Variants in TAF4B observed in about 807,000 individuals in gnomAD.
TAF4B encodes the protein transcription initiation factor TFIID subunit 4B.
In TAF4B, 38 loss-of-function variants were observed where a neutral mutation model predicts 86.4. That is an observed-to-expected ratio of 0.44 (90% CI 0.34 to 0.58). The LOEUF (loss-of-function observed/expected upper bound fraction) is 0.58. Among genes scored for constraint, TAF4B ranks in the 20% least tolerant of loss-of-function variants. The pLI is 0.02. For missense variants in TAF4B, 988 were observed against 1,027.6 expected (o/e 0.96, Z 0.53); for synonymous variants, 388 against 391.2 (o/e 0.99, Z 0.10).
intron 12 of TAF4B, among the ~76,000 whole-genome samples, chr18:26,327,526 A>T (rs2057014588): frequency 6.6e-6 from 1 of 152,236 alleles, no homozygotes; most frequent in Non-Finnish European, 1.5e-5. Context: ...GTGGAACAAA[A>T]TACAGGCTGG....
At chr18:26,369,262 C>G (rs1175763756) in intron 14 of TAF4B, among the ~76,000 whole-genome samples, 1 of 151,996 alleles carries the variant, frequency 6.6e-6, no homozygotes, top group African/African-American at 2.4e-5. Flanking sequence ...ATTTTGCAAC[C>G]GTTACACTAG....
intron 6 of TAF4B, among the ~76,000 whole-genome samples, chr18:26,283,328 TAGC>T (rs1478781189): frequency 6.6e-6 from 1 of 152,220 alleles, no homozygotes; most frequent in African/African-American, 2.4e-5. Context: ...GAGGTTGTGT[TAGC>T]AGACAGGAAG....
chr18:26,286,584 G>A (rs1174130563), intron 7 of TAF4B, 85 bp downstream of exon 7: 13 of 1,413,080 alleles, frequency 9.2e-6, no homozygotes, highest in Non-Finnish European at 3.8e-6. Context: ...TAGAAAACTA[G>A]TAAGGCTATA....
intron 3 of TAF4B, among the ~76,000 whole-genome samples, chr18:26,272,153 G>A (rs184173124): frequency 1.0e-3 from 157 of 152,180 alleles, no homozygotes; most frequent in African/African-American, 3.6e-3. Context: ...GTGGGCAGGC[G>A]CGTGGGGGAT....
chr18:26,350,653 G>T (rs963088771), intron 13 of TAF4B, among the ~76,000 whole-genome samples: 2 of 152,144 alleles, frequency 1.3e-5, no homozygotes, highest in African/African-American at 4.8e-5. Context: ...ACTATCATGG[G>T]TAATAGAGTG....
intron 14 of TAF4B, among the ~76,000 whole-genome samples, chr18:26,359,793 G>T (rs1343739791): frequency 6.6e-6 from 1 of 152,090 alleles, no homozygotes; most frequent in Non-Finnish European, 1.5e-5. Context: ...TTGGCTCACT[G>T]CAGCCTCAAC....
intron 1 of TAF4B, among the ~76,000 whole-genome samples, chr18:26,227,733 C>T (rs2055600214): frequency 6.6e-6 from 1 of 152,222 alleles, no homozygotes; most frequent in Non-Finnish European, 1.5e-5. Flanking sequence ...GGCTCACCGA[C>T]GTCGAACTCC....
At chr18:26,382,744 A>G (rs745350943) in intron 14 of TAF4B, among the ~76,000 whole-genome samples, 2 of 152,218 alleles carry the variant, frequency 1.3e-5, no homozygotes, top group Non-Finnish European at 2.9e-5. Context: ...TACAGATGAT[A>G]TCACCTAAAT....
At chr18:26,285,092 G>A (rs1389894988) in intron 6 of TAF4B, among the ~76,000 whole-genome samples, 1 of 151,036 alleles carries the variant, frequency 6.6e-6, no homozygotes, top group Non-Finnish European at 1.5e-5. Context: ...CTCAGCCCCT[G>A]CGGTAGCTGG....
At chr18:26,354,926 T>A (rs1408124242) in intron 13 of TAF4B, among the ~76,000 whole-genome samples, 2 of 152,256 alleles carry the variant, frequency 1.3e-5, no homozygotes, top group East Asian at 3.8e-4. Flanking sequence ...AATCAACTTA[T>A]CCATATCCAC....
intron 13 of TAF4B, among the ~76,000 whole-genome samples, chr18:26,346,873 ATG>A (rs1205361383): frequency 1.6e-4 from 2 of 12,304 alleles, no homozygotes; most frequent in African/African-American, 4.0e-4. Flanking sequence ...ATATATATAT[ATG>A]TGTATATATA....
At chr18:26,249,744 A>C (rs534805205) in intron 1 of TAF4B, among the ~76,000 whole-genome samples, 1 of 152,192 alleles carries the variant, frequency 6.6e-6, no homozygotes, top group Admixed American at 6.5e-5. Context: ...TTAGAGACAA[A>C]GTCTCATTCT....
At chr18:26,255,784 T>C in intron 1 of TAF4B, 3 of 1,515,924 alleles carry the variant, frequency 2.0e-6, no homozygotes, top group Non-Finnish European at 2.7e-6. Flanking sequence ...CAGCAAGGCT[T>C]GAAGAGATGT....
chr18:26,279,822 G>A (rs952962534), intron 5 of TAF4B, among the ~76,000 whole-genome samples: 12 of 152,066 alleles, frequency 7.9e-5, no homozygotes, highest in African/African-American at 9.7e-5. Context: ...CAGGTGGATC[G>A]CTTGCAGTCA....
intron 14 of TAF4B, among the ~76,000 whole-genome samples, chr18:26,381,641 C>T (rs963249755): frequency 2.0e-5 from 3 of 151,974 alleles, no homozygotes; most frequent in East Asian, 3.9e-4. Context: ...ACAGGGGAAT[C>T]GCTTGAACCT....
chr18:26,308,895 A>AG (rs1274802923), intron 9 of TAF4B, among the ~76,000 whole-genome samples: 1 of 151,428 alleles, frequency 6.6e-6, no homozygotes, highest in Non-Finnish European at 1.5e-5. Flanking sequence ...AAAAAAAAAA[A>AG]AAAAGAAATT....
intron 13 of TAF4B, among the ~76,000 whole-genome samples, chr18:26,352,683 G>T (rs1022347230): frequency 6.6e-6 from 1 of 152,096 alleles, no homozygotes; most frequent in Non-Finnish European, 1.5e-5. Flanking sequence ...ATAAGCCCAG[G>T]AGGTGAAGGT....
chr18:26,315,587 A>G (rs1176051738), intron 10 of TAF4B, among the ~76,000 whole-genome samples, 189 bp downstream of exon 10: 7 of 152,106 alleles, frequency 4.6e-5, no homozygotes, highest in Admixed American at 2.0e-4. Flanking sequence ...ATAACATGGT[A>G]TTGGGTTTGG....
At chr18:26,369,988 G>T (rs1389058560) in intron 14 of TAF4B, among the ~76,000 whole-genome samples, 1 of 152,166 alleles carries the variant, frequency 6.6e-6, no homozygotes, top group Non-Finnish European at 1.5e-5. Context: ...GACACTGGTG[G>T]TCCGTGGCAT....
Sources: allele counts gnomAD v4.1 joint callset (sites outside exome capture counted in the v4.1 genomes callset), GRCh38; gene constraint gnomAD v4.1.1; transcripts MANE v1.5; gene names NCBI Gene and HGNC (gene_info 2026-07-23, HGNC 2026-07-21).